ADIPOR2: variants seen among roughly 807,000 people sequenced by gnomAD.
ADIPOR2 encodes adiponectin receptor protein 2.
Under a neutral mutation model 40.9 loss-of-function variants are expected in ADIPOR2, and 18 were observed. That is an observed-to-expected ratio of 0.44 (90% CI 0.30 to 0.65). ADIPOR2 has a LOEUF of 0.65. Among genes scored for constraint, ADIPOR2 ranks in the 30% least tolerant of loss-of-function variants. The pLI is 0.09. For missense variants in ADIPOR2, 283 were observed against 479.2 expected (o/e 0.59, Z 3.82); for synonymous variants, 165 against 166.4 (o/e 0.99, Z 0.06).
chr12:1,773,973 G>A (rs1224526968), intron 3 of ADIPOR2, among the ~76,000 whole-genome samples: 1 of 152,136 alleles, frequency 6.6e-6, no homozygotes, highest in Non-Finnish European at 1.5e-5. Flanking sequence ...GGTTTTCAGG[G>A]GGAGTTTAAA....
At chr12:1,692,988 C>T (rs906308716) in intron 1 of ADIPOR2, among the ~76,000 whole-genome samples, 1 of 152,040 alleles carries the variant, frequency 6.6e-6, no homozygotes, top group African/African-American at 2.4e-5. Flanking sequence ...AACCCCGTCC[C>T]TATTAAAACT....
At chr12:1,742,120 G>A (rs66590925) in intron 1 of ADIPOR2, among the ~76,000 whole-genome samples, 41,404 of 151,916 alleles carry the variant, frequency 0.27, 6,270 homozygotes, top group Admixed American at 0.44. Flanking sequence ...TTTTAAGATA[G>A]CATCTTGCTA....
chr12:1,767,447 T>C (rs1054169454), intron 2 of ADIPOR2, among the ~76,000 whole-genome samples: 2 of 152,180 alleles, frequency 1.3e-5, no homozygotes, highest in African/African-American at 4.8e-5. Context: ...TTTTGGAGAA[T>C]ACTGGGTATA....
At chr12:1,767,133 T>G (rs894607295) in intron 2 of ADIPOR2, among the ~76,000 whole-genome samples, 1 of 151,918 alleles carries the variant, frequency 6.6e-6, no homozygotes, top group Non-Finnish European at 1.5e-5. Flanking sequence ...TAGCCGGGCG[T>G]GGTGGCAGGC....
chr12:1,704,412 TCTC>T (rs1253756587), intron 1 of ADIPOR2, among the ~76,000 whole-genome samples: 1 of 152,202 alleles, frequency 6.6e-6, no homozygotes, highest in Non-Finnish European at 1.5e-5. Flanking sequence ...CTTTCTTTCT[TCTC>T]TAATAAACTT....
chr12:1,745,435 T>G (rs2154443092), intron 1 of ADIPOR2, among the ~76,000 whole-genome samples: 1 of 152,348 alleles, frequency 6.6e-6, no homozygotes, highest in South Asian at 2.1e-4. Context: ...TAAATTTTTT[T>G]GTTAGATTTG....
chr12:1,724,327 A>G (rs962317962), intron 1 of ADIPOR2, among the ~76,000 whole-genome samples: 15 of 152,306 alleles, frequency 9.8e-5, no homozygotes, highest in Non-Finnish European at 1.8e-4. Flanking sequence ...AAATTCTGAC[A>G]TGCTACAACC....
At chr12:1,723,199 T>C (rs980066134) in intron 1 of ADIPOR2, among the ~76,000 whole-genome samples, 3 of 152,200 alleles carry the variant, frequency 2.0e-5, no homozygotes, top group Non-Finnish European at 4.4e-5. Flanking sequence ...CAAAGCTATC[T>C]ATGGCATATG....
intron 1 of ADIPOR2, among the ~76,000 whole-genome samples, chr12:1,729,888 T>TTGA: frequency 6.6e-6 from 1 of 152,272 alleles, no homozygotes; most frequent in African/African-American, 2.4e-5. Context: ...ATTTTGTTGC[T>TTGA]TGAACAAATT....
intron 1 of ADIPOR2, among the ~76,000 whole-genome samples, chr12:1,753,350 T>C (rs1862046563): frequency 2.0e-5 from 3 of 152,212 alleles, no homozygotes; most frequent in Admixed American, 1.3e-4. Context: ...CTTGAAAAGC[T>C]TGAACTCCTA....
intron 1 of ADIPOR2, among the ~76,000 whole-genome samples, chr12:1,733,281 C>T (rs181604312): frequency 1.3e-5 from 2 of 152,182 alleles, no homozygotes; most frequent in East Asian, 1.9e-4. Flanking sequence ...GTAGCTAACA[C>T]GGGCTTGACT....
At chr12:1,766,470 A>G (rs1459315129) in intron 2 of ADIPOR2, among the ~76,000 whole-genome samples, 4 of 152,150 alleles carry the variant, frequency 2.6e-5, no homozygotes, top group South Asian at 2.1e-4. Context: ...CCATCATTCA[A>G]ATTTCTTTTT....
At chr12:1,695,054 G>C (rs1172751791) in intron 1 of ADIPOR2, among the ~76,000 whole-genome samples, 1 of 141,058 alleles carries the variant, frequency 7.1e-6, no homozygotes. Flanking sequence ...ATCTCACTCT[G>C]TATCTCAGGC....
chr12:1,778,837 C>G lies in ADIPOR2; in HGVS notation c.463+812C>G, dbSNP rs543848282. ...TCCTACAACTCAACAATAAAGACAA[C>G]CGATTTTAAAAATGGGTAAAACATC... On this transcript the variant is annotated intron_variant, in intron 4 of 7. Coordinates refer to ENST00000357103, the MANE Select transcript of ADIPOR2 (RefSeq NM_024551.3). Among the ~76,000 whole-genome samples the G allele has an allele frequency of 4.6e-5, 7 of 152,246 alleles. No homozygotes were observed. In the South Asian group the frequency reaches 1.5e-3, roughly 32 times the overall value.
At chr12:1,701,220 TTTGC>T (rs945486781) in intron 1 of ADIPOR2, among the ~76,000 whole-genome samples, 1 of 150,304 alleles carries the variant, frequency 6.7e-6, no homozygotes, top group African/African-American at 2.4e-5. Flanking sequence ...GCCCATCTCC[TTTGC>T]TTGAGCAGTC....
At chr12:1,717,112 T>G (rs539515678) in intron 1 of ADIPOR2, among the ~76,000 whole-genome samples, 28 of 152,334 alleles carry the variant, frequency 1.8e-4, no homozygotes, top group Non-Finnish European at 3.5e-4. Context: ...AGTCAACTTG[T>G]TGATCATCTG....
At chr12:1,775,139 T>G (rs1474448108) in intron 3 of ADIPOR2, among the ~76,000 whole-genome samples, 1 of 152,250 alleles carries the variant, frequency 6.6e-6, no homozygotes, top group Non-Finnish European at 1.5e-5. Context: ...TCCAGCTGTT[T>G]TTTTAAGAAA....
chr12:1,691,995 C>CT (rs997747504), intron 1 of ADIPOR2, among the ~76,000 whole-genome samples: 13 of 149,660 alleles, frequency 8.7e-5, no homozygotes, highest in East Asian at 2.0e-4. Flanking sequence ...AGGTTGTTGA[C>CT]TTTTTTTTTA....
intron 2 of ADIPOR2, among the ~76,000 whole-genome samples, chr12:1,767,463 A>G (rs1389325943): frequency 6.6e-6 from 1 of 151,858 alleles, no homozygotes; most frequent in Non-Finnish European, 1.5e-5. Flanking sequence ...GTATACATCC[A>G]TCAATACTTA....
Sources: gnomAD v4.1 joint callset for allele counts (sites outside exome capture counted in the v4.1 genomes callset) on GRCh38, gnomAD v4.1.1 for gene constraint, MANE v1.5 for transcripts, NCBI Gene and HGNC (gene_info 2026-07-23, HGNC 2026-07-21) for gene names.